Variants in NAV3 observed in about 807,000 individuals in gnomAD.
NAV3 encodes the protein neuron navigator 3.
Under a neutral mutation model 244.7 loss-of-function variants are expected in NAV3, and 87 were observed. That is an observed-to-expected ratio of 0.36 (90% CI 0.30 to 0.42). NAV3 has a LOEUF of 0.42. Among genes scored for constraint, NAV3 ranks in the 20% least tolerant of loss-of-function variants. The pLI is 1.00. For synonymous variants in NAV3, 1,126 were observed against 1,042.2 expected, an observed-to-expected ratio of 1.08 and a Z score of -1.55; for missense variants, 2,663 against 2,893.3, an observed-to-expected ratio of 0.92 and a Z score of 1.83.
chr12:77,619,739 T>C (rs928216887), intron 2 of NAV3, among the ~76,000 whole-genome samples: 2 of 152,042 alleles, frequency 1.3e-5, no homozygotes, highest in Non-Finnish European at 2.9e-5. Flanking sequence ...TTTCTGTAAA[T>C]CACCATTTAT....
intron 2 of NAV3, among the ~76,000 whole-genome samples, chr12:77,612,916 T>C (rs1003730929): frequency 2.0e-5 from 3 of 152,094 alleles, no homozygotes; most frequent in African/African-American, 7.2e-5. Context: ...TGAGATCTGA[T>C]GGTTTTATAA....
intron 2 of NAV3, among the ~76,000 whole-genome samples, chr12:77,732,793 C>T (rs1247842347): frequency 6.6e-6 from 1 of 152,064 alleles, no homozygotes; most frequent in South Asian, 2.1e-4. Context: ...TATCCTATAT[C>T]TGCAGTAACT....
At chr12:77,964,990 G>C (rs1398480918) in intron 3 of NAV3, among the ~76,000 whole-genome samples, 1 of 151,770 alleles carries the variant, frequency 6.6e-6, no homozygotes, top group Non-Finnish European at 1.5e-5. Flanking sequence ...GAGACATTTT[G>C]ACCTTGCTAT....
At chr12:78,117,158 CAT>C (rs377148138) in intron 13 of NAV3, among the ~76,000 whole-genome samples, 918 of 70,242 alleles carry the variant, frequency 0.013, 7 homozygotes, top group East Asian at 0.017. Flanking sequence ...ACAGAAGCAG[CAT>C]ATATATATAT....
intron 9 of NAV3, among the ~76,000 whole-genome samples, chr12:78,041,563 A>G (rs1397944014): frequency 6.6e-6 from 1 of 152,218 alleles, no homozygotes; most frequent in East Asian, 1.9e-4. Flanking sequence ...CTTATCCCCC[A>G]TAAATATTTT....
intron 2 of NAV3, among the ~76,000 whole-genome samples, chr12:77,785,614 G>A (rs1007157490): frequency 2.0e-5 from 3 of 152,148 alleles, no homozygotes; most frequent in African/African-American, 4.8e-5. Context: ...ACTGATTTTC[G>A]AGGGTCAAGA....
At chr12:78,070,159 G>T (rs1952683744) in intron 12 of NAV3, among the ~76,000 whole-genome samples, 1 of 152,006 alleles carries the variant, frequency 6.6e-6, no homozygotes, top group African/African-American at 2.4e-5. Flanking sequence ...TCAAATATTT[G>T]CTAGGTAAAA....
At chr12:77,935,670 C>T (rs1361246228) in intron 1 of NAV3, among the ~76,000 whole-genome samples, 2 of 152,164 alleles carry the variant, frequency 1.3e-5, no homozygotes, top group Admixed American at 6.6e-5. Context: ...TGTTTTCACA[C>T]TGCTATAAAG....
rs79454821 is a variant in NAV3 at position 77,807,793 on chromosome 12, C to T, written c.73-132526C>T. 3.3e-5 allele frequency among the ~76,000 whole-genome samples: 5 copies of T among 152,216 alleles called. 1 individual carries two copies. The highest frequency in any genetic ancestry group is 4.2e-4 in the South Asian group (2 of 4,816). ...GTTTCCAAATTGGTTCCATTTTCCC[C>T]GTCACTTTCACGTACACCAATCAAA... is the stretch of plus-strand genomic sequence containing the variant. On this transcript the variant is annotated intron_variant, in intron 2 of 8. Coordinates refer to the NAV3 transcript ENST00000550042.
At chr12:78,051,790 T>A (rs1327760092) in intron 11 of NAV3, among the ~76,000 whole-genome samples, 1 of 152,240 alleles carries the variant, frequency 6.6e-6, no homozygotes, top group Non-Finnish European at 1.5e-5. Context: ...AAGGAGGCAA[T>A]AGGATATTCT....
chr12:77,630,268 G>A (rs982748149), intron 2 of NAV3, among the ~76,000 whole-genome samples: 21 of 152,056 alleles, frequency 1.4e-4, no homozygotes, highest in African/African-American at 3.9e-4. Context: ...TGTCCATACC[G>A]TCTTGCTGGT....
At chr12:78,080,039 C>A (rs1047096124) in intron 12 of NAV3, among the ~76,000 whole-genome samples, 3 of 152,146 alleles carry the variant, frequency 2.0e-5, no homozygotes, top group Non-Finnish European at 2.9e-5. Context: ...TGTTATGAAC[C>A]TGTTGCCCTC....
chr12:78,135,976 T>A (rs1009447470), intron 18 of NAV3, among the ~76,000 whole-genome samples: 5 of 152,220 alleles, frequency 3.3e-5, no homozygotes, highest in Admixed American at 6.5e-5. Context: ...CAGAGGGTTG[T>A]TCTGTGTGTT....
intron 2 of NAV3, among the ~76,000 whole-genome samples, chr12:77,709,164 A>C (rs998082387): frequency 6.6e-6 from 1 of 152,206 alleles, no homozygotes; most frequent in Non-Finnish European, 1.5e-5. Flanking sequence ...AAATCAATAA[A>C]TGTAATCCAG....
At chr12:77,739,011 C>CAAAAAAAAAAA (rs1168641355) in intron 2 of NAV3, among the ~76,000 whole-genome samples, 1 of 64,086 alleles carries the variant, frequency 1.6e-5, no homozygotes, top group Non-Finnish European at 2.6e-5. Context: ...GACTCCGTCT[C>CAAAAAAAAAAA]AAAAAAAAAA....
rs551714282 is a variant in NAV3 at position 78,077,807 on chromosome 12, G to T, written c.2636+18692G>T. On this transcript the variant is annotated intron_variant, in intron 12 of 39. Transcript: ENST00000397909. The stretch of plus-strand genomic sequence containing the variant: ...ACAAAAATTATCTGGGCATGGCAGT[G>T]GGTGCCTGTAATCCCAGCTACCTGG... Among the ~76,000 whole-genome samples, 73 of 152,294 alleles carry T rather than the reference G, an allele frequency of 4.8e-4. 2 individuals carry two copies. In the South Asian group the frequency reaches 0.015, roughly 31 times the overall value.
chr12:77,969,829 A>G (rs1892846959), intron 5 of NAV3, among the ~76,000 whole-genome samples: 2 of 53,998 alleles, frequency 3.7e-5, no homozygotes, highest in Admixed American at 1.9e-4. Flanking sequence ...GACTCTGTCT[A>G]AAGTAAACAA....
At chr12:77,810,768 C>A (rs1872249756) in intron 2 of NAV3, among the ~76,000 whole-genome samples, 1 of 152,048 alleles carries the variant, frequency 6.6e-6, no homozygotes, top group Admixed American at 6.6e-5. Flanking sequence ...CAATCTTTAA[C>A]AAATATTTCT....
intron 2 of NAV3, among the ~76,000 whole-genome samples, chr12:77,634,790 A>G (rs1373154554): frequency 6.6e-6 from 1 of 152,202 alleles, no homozygotes; most frequent in African/African-American, 2.4e-5. Context: ...TGTATTATCT[A>G]TATGACTGAT....
Sources: allele counts gnomAD v4.1 joint callset (sites outside exome capture counted in the v4.1 genomes callset), GRCh38; gene constraint gnomAD v4.1.1; transcripts MANE v1.5; gene names NCBI Gene and HGNC (gene_info 2026-07-23, HGNC 2026-07-21).